DOK6: variants seen among roughly 807,000 people sequenced by gnomAD.
The protein encoded by DOK6 is downstream of tyrosine kinase 6.
A neutral mutation model predicts 44.0 loss-of-function variants in DOK6; 22 were observed. The observed-to-expected ratio is 0.50, with a 90% CI of 0.36 to 0.71. The LOEUF (loss-of-function observed/expected upper bound fraction) is 0.71, where lower values mean the gene tolerates loss of function less well. Ranked by LOEUF, DOK6 falls within the 30% of genes least tolerant of loss-of-function variation. The pLI, the probability that DOK6 is intolerant of heterozygous loss-of-function variation, is 0.00. For synonymous variants in DOK6, 166 were observed against 145.5 expected (o/e 1.14, Z -1.01); for missense variants, 340 against 416.4 (o/e 0.82, Z 1.60).
At chr18:69,557,509 C>A (rs575762254) in intron 1 of DOK6, among the ~76,000 whole-genome samples, 5 of 152,124 alleles carry the variant, frequency 3.3e-5, no homozygotes, top group Admixed American at 6.6e-5. Flanking sequence ...GATTGCTATG[C>A]GGTAAAATGG....
intron 1 of DOK6, among the ~76,000 whole-genome samples, chr18:69,471,193 T>C (rs1980092482): frequency 7.8e-6 from 1 of 127,512 alleles, no homozygotes; most frequent in African/African-American, 3.1e-5. Flanking sequence ...GAGGTTGCGG[T>C]GAGCTGAGAT....
chr18:69,762,149 GCATACATACATACATA>G (rs60739609), intron 7 of DOK6, among the ~76,000 whole-genome samples: 17 of 110,788 alleles, frequency 1.5e-4, no homozygotes, highest in African/African-American at 5.7e-4. Context: ...ATCTCTGCAT[GCATACATACATACATA>G]CATACATACA....
At chr18:69,564,859 G>A (rs957390344) in intron 2 of DOK6, among the ~76,000 whole-genome samples, 1 of 152,030 alleles carries the variant, frequency 6.6e-6, no homozygotes, top group Non-Finnish European at 1.5e-5. Context: ...CTTTCCTAAG[G>A]TGCTGAGTAG....
chr18:69,770,755 C>T (rs1447181821), intron 7 of DOK6, among the ~76,000 whole-genome samples: 1 of 151,938 alleles, frequency 6.6e-6, no homozygotes, highest in African/African-American at 2.4e-5. Context: ...AAATGTGTTC[C>T]TCCCTCATTT....
intron 2 of DOK6, among the ~76,000 whole-genome samples, chr18:69,571,876 C>T (rs576846871): frequency 4.3e-4 from 66 of 152,026 alleles, no homozygotes; most frequent in Non-Finnish European, 5.2e-4. Flanking sequence ...TTAACACAAT[C>T]AACCACTTTG....
intron 7 of DOK6, among the ~76,000 whole-genome samples, chr18:69,788,040 T>A (rs1980485298): frequency 6.6e-6 from 1 of 152,160 alleles, no homozygotes; most frequent in African/African-American, 2.4e-5. Flanking sequence ...TATGAAATCC[T>A]CCAGTGCCCT....
At chr18:69,740,544 G>A (rs529308743) in intron 6 of DOK6, among the ~76,000 whole-genome samples, 1 of 152,224 alleles carries the variant, frequency 6.6e-6, no homozygotes, top group East Asian at 1.9e-4. Context: ...TTTTAATGAT[G>A]GAAATTCCAA....
At chr18:69,595,788 A>G (rs78453526) in intron 2 of DOK6, among the ~76,000 whole-genome samples, 3 of 152,136 alleles carry the variant, frequency 2.0e-5, no homozygotes, top group Non-Finnish European at 4.4e-5. Context: ...GGTGCAAAAA[A>G]TTTTTAATCC....
chr18:69,442,478 A>C (rs1404898121), intron 1 of DOK6, among the ~76,000 whole-genome samples: 2 of 152,156 alleles, frequency 1.3e-5, no homozygotes, highest in Non-Finnish European at 2.9e-5. Context: ...TTATAAAACC[A>C]TCAGACGTTG....
chr18:69,509,473 T>C (rs1465006742), intron 1 of DOK6, among the ~76,000 whole-genome samples: 3 of 151,524 alleles, frequency 2.0e-5, no homozygotes, highest in South Asian at 2.1e-4. Flanking sequence ...CCGTCTCTAC[T>C]AAAAAATAGA....
At chr18:69,718,379 G>T (rs1451723056) in intron 5 of DOK6, among the ~76,000 whole-genome samples, 1 of 152,100 alleles carries the variant, frequency 6.6e-6, no homozygotes, top group African/African-American at 2.4e-5. Context: ...GCAGTTGACT[G>T]AAAGATGAGG....
At chr18:69,675,721 T>C (rs748384836) in intron 3 of DOK6, among the ~76,000 whole-genome samples, 3 of 152,080 alleles carry the variant, frequency 2.0e-5, no homozygotes, top group South Asian at 2.1e-4. Context: ...TTGACAGAAA[T>C]TTCAAACATT....
At chr18:69,782,861 C>T (rs1156309938) in intron 7 of DOK6, among the ~76,000 whole-genome samples, 1 of 152,192 alleles carries the variant, frequency 6.6e-6, no homozygotes, top group African/African-American at 2.4e-5. Flanking sequence ...CTATTCACTC[C>T]TACTATCCTC....
In DOK6 at chr18:69,841,573, T is replaced by G. The variant is rs1982222941; in HGVS notation, c.*190T>G. ...TTCAGTGGCTAAGTCCTTTATTTAT[T>G]GAATTTCTTTGGGGGAATCTATGTT... is the stretch of plus-strand genomic sequence containing the variant. On this transcript the variant is annotated 3_prime_UTR_variant, in exon 8 of 8. Coordinates refer to ENST00000382713, the MANE Select transcript of DOK6 (RefSeq NM_152721.6). The G allele has an allele frequency of 4.6e-6, 3 of 647,586 alleles. No individual in the cohort carries two copies. The highest frequency in any genetic ancestry group is 4.8e-6 in the Non-Finnish European group (2 of 412,828). The allele number at this position is 647,586 out of a possible 1,614,324, so 40.1% of individuals were successfully genotyped here. A position where few individuals can be genotyped will look rare whatever the true frequency, so the allele number is the denominator to read the frequency against.
At chr18:69,637,997 G>A (rs1287505570) in intron 3 of DOK6, among the ~76,000 whole-genome samples, 5 of 152,066 alleles carry the variant, frequency 3.3e-5, no homozygotes, top group Admixed American at 2.0e-4. Context: ...GTTGAGCGTC[G>A]TACTCTAGGC....
At chr18:69,482,618 A>T (rs1010213891) in intron 1 of DOK6, among the ~76,000 whole-genome samples, 1 of 152,058 alleles carries the variant, frequency 6.6e-6, no homozygotes, top group Non-Finnish European at 1.5e-5. Flanking sequence ...TGGAAATGAC[A>T]AAACAAATTA....
At chr18:69,624,286 G>A (rs912088278) in intron 3 of DOK6, among the ~76,000 whole-genome samples, 2 of 151,970 alleles carry the variant, frequency 1.3e-5, no homozygotes, top group African/African-American at 2.4e-5. Flanking sequence ...AATAGATTTA[G>A]TAAATCATAA....
intron 1 of DOK6, among the ~76,000 whole-genome samples, chr18:69,507,787 C>A (rs576742300): frequency 1.1e-4 from 17 of 152,086 alleles, no homozygotes; most frequent in Non-Finnish European, 2.5e-4. Context: ...TTTGGAATTT[C>A]ATGAATAGAT....
chr18:69,449,156 T>G (rs1331262856), intron 1 of DOK6, among the ~76,000 whole-genome samples: 4 of 152,242 alleles, frequency 2.6e-5, no homozygotes, highest in Admixed American at 2.6e-4. Context: ...TTTTTGTTAT[T>G]CTTGTATATT....
Sources: allele counts gnomAD v4.1 joint callset (sites outside exome capture counted in the v4.1 genomes callset), GRCh38; gene constraint gnomAD v4.1.1; transcripts MANE v1.5; gene names NCBI Gene and HGNC (gene_info 2026-07-23, HGNC 2026-07-21).